Variants in NCALD observed in about 807,000 individuals in gnomAD.
NCALD encodes neurocalcin-delta.
A neutral mutation model predicts 18.6 loss-of-function variants in NCALD; 10 were observed. The observed-to-expected ratio is 0.54, with a 90% CI of 0.33 to 0.91. The LOEUF (loss-of-function observed/expected upper bound fraction) is 0.91. Ranked by LOEUF, NCALD falls within the 40% of genes least tolerant of loss-of-function variation. The pLI is 0.03. For synonymous variants in NCALD, 88 were observed against 87.4 expected (o/e 1.01, Z -0.04); for missense variants, 184 against 247.6 (o/e 0.74, Z 1.72).
Position 102,049,563 on chromosome 8 carries a change from A to G in NCALD, c.-209-29274T>C, listed in dbSNP as rs148803924. On this transcript the variant is annotated intron_variant, in intron 1 of 6. Transcript: ENST00000311028. ...TTCATTTGGGCAAATACCAAGAAAT[A>G]TAATCGCTAGATTATATGGTTTGAG... is the stretch of plus-strand genomic sequence containing the variant. Among the ~76,000 whole-genome samples, 701 of 152,330 alleles carry G rather than the reference A, an allele frequency of 4.6e-3. 6 individuals carry two copies. Among genetic ancestry groups the G allele is most frequent in the African/African-American group, 0.016 (681 of 41,574 alleles).
At position 101,716,735 on chromosome 8, in the gene NCALD, A is replaced by T. The variant is rs546102233; in HGVS notation, c.378+2517T>A. On this transcript the variant is annotated intron_variant, in intron 2 of 3. Coordinates refer to ENST00000220931, the MANE Select transcript of NCALD (RefSeq NM_032041.3). Reference sequence around the variant, plus strand: ...GAAGACAAACTTTGCAGACGTGATTACATTAAGAATATTGAGATGGAAGGA... The same window carrying T: ...GAAGACAAACTTTGCAGACGTGATTTCATTAAGAATATTGAGATGGAAGGA... 3.9e-5 allele frequency among the ~76,000 whole-genome samples: 6 copies of T among 152,350 alleles called. No homozygotes were observed. The South Asian group carries it at 6.2e-4, about 16-fold the overall frequency.
chr8:101,874,065 G>T (rs1464103655), intron 4 of NCALD, among the ~76,000 whole-genome samples: 2 of 152,136 alleles, frequency 1.3e-5, no homozygotes, highest in African/African-American at 4.8e-5. Flanking sequence ...TCTACATTTT[G>T]CTGCTAGATG....
At chr8:101,884,262 G>A (rs949850872) in intron 4 of NCALD, among the ~76,000 whole-genome samples, 1 of 152,078 alleles carries the variant, frequency 6.6e-6, no homozygotes, top group African/African-American at 2.4e-5. Flanking sequence ...ATAGTTCCTT[G>A]TTTTTGCTGT....
At chr8:101,869,111 G>A (rs1264403898) in intron 4 of NCALD, among the ~76,000 whole-genome samples, 1 of 152,220 alleles carries the variant, frequency 6.6e-6, no homozygotes, top group Admixed American at 6.5e-5. Flanking sequence ...GTTCACACAT[G>A]TGGTAGGCCT....
intron 1 of NCALD, among the ~76,000 whole-genome samples, chr8:101,733,247 TTGG>T (rs2130609927): frequency 6.6e-6 from 1 of 152,350 alleles, no homozygotes; most frequent in African/African-American, 2.4e-5. Context: ...ATCCCATTAA[TTGG>T]TGAACAGAAA....
upstream of NCALD, among the ~76,000 whole-genome samples, chr8:101,793,561 G>A (rs1812527982): frequency 6.6e-6 from 1 of 152,138 alleles, no homozygotes; most frequent in South Asian, 2.1e-4. Flanking sequence ...TTGAAGGCAT[G>A]ATGGTGATCT....
chr8:101,783,521 T>A (rs985645066), intron 1 of NCALD, among the ~76,000 whole-genome samples: 12 of 152,176 alleles, frequency 7.9e-5, no homozygotes, highest in African/African-American at 2.7e-4. Context: ...CCTAGAAGCA[T>A]AGGAAATGGG....
chr8:102,022,081 C>T (rs1316824461), intron 1 of NCALD, among the ~76,000 whole-genome samples: 2 of 152,102 alleles, frequency 1.3e-5, no homozygotes, highest in Admixed American at 1.3e-4. Flanking sequence ...AGGGCGTGAA[C>T]AGGGTTAAGG....
chr8:101,933,689 T>C (rs1187468460), intron 2 of NCALD, among the ~76,000 whole-genome samples: 1 of 152,142 alleles, frequency 6.6e-6, no homozygotes, highest in Non-Finnish European at 1.5e-5. Context: ...AAATGAGGGA[T>C]TTGGGAGTAC....
intron 2 of NCALD, chr8:101,975,262 C>G (rs1230311706): frequency 6.6e-6 from 1 of 151,940 alleles, no homozygotes; most frequent in Non-Finnish European, 1.5e-5. Flanking sequence ...TTACTCACAG[C>G]TTTATTTCTT....
chr8:101,817,706 C>T (rs1052741381), intron 4 of NCALD, among the ~76,000 whole-genome samples: 14 of 152,134 alleles, frequency 9.2e-5, no homozygotes, highest in African/African-American at 2.9e-4. Flanking sequence ...CCATTCACTG[C>T]CCAGCAGCCT....
chr8:102,110,426 T>C (rs1324242999), intron 1 of NCALD, among the ~76,000 whole-genome samples: 8 of 152,206 alleles, frequency 5.3e-5, no homozygotes, highest in Non-Finnish European at 1.2e-4. Context: ...GCCTGTCGTT[T>C]TGCTGTAATT....
intron 1 of NCALD, among the ~76,000 whole-genome samples, chr8:102,081,829 A>T (rs1245086817): frequency 6.6e-6 from 1 of 152,208 alleles, no homozygotes; most frequent in African/African-American, 2.4e-5. Flanking sequence ...GCTTTTACCA[A>T]CACAAGCCTA....
chr8:101,687,859 A>C lies in NCALD; in HGVS notation c.*1450T>G, dbSNP rs1814535003. 1 of 152,220 alleles carries C rather than the reference A, an allele frequency of 6.6e-6. No homozygotes were observed. 9.4% of individuals were successfully genotyped at this position (152,220 alleles called of 1,614,324 possible). ...GTCACCAGACCAAACAGCAACTCAG[A>C]CTTGTGCTGTCACTTCTGGAAATAG... On this transcript the variant is annotated 3_prime_UTR_variant, in exon 4 of 4. Transcript: ENST00000220931.
intron 2 of NCALD, among the ~76,000 whole-genome samples, chr8:101,964,766 A>G (rs1043764363): frequency 1.6e-4 from 25 of 152,234 alleles, no homozygotes; most frequent in Non-Finnish European, 3.4e-4. Flanking sequence ...ACAGTCAAGG[A>G]TTCGCCTAAT....
chr8:102,085,154 A>G (rs1281615482), intron 1 of NCALD, among the ~76,000 whole-genome samples: 1 of 152,176 alleles, frequency 6.6e-6, no homozygotes, highest in Admixed American at 6.5e-5. Flanking sequence ...CAACCTCAAC[A>G]CTATTAATAT....
intron 4 of NCALD, among the ~76,000 whole-genome samples, chr8:101,839,551 C>T (rs1196317353): frequency 6.6e-6 from 1 of 152,132 alleles, no homozygotes; most frequent in African/African-American, 2.4e-5. Context: ...TATCCATCAA[C>T]CTCCTCACTA....
intron 4 of NCALD, among the ~76,000 whole-genome samples, chr8:101,884,882 C>G (rs1171139360): frequency 6.6e-6 from 1 of 152,140 alleles, no homozygotes; most frequent in Non-Finnish European, 1.5e-5. Context: ...GTCTCGTGCT[C>G]TCAGCCTCTG....
intron 1 of NCALD, chr8:101,779,839 GTTTT>G (rs1038187872): frequency 6.6e-6 from 1 of 151,880 alleles, no homozygotes; most frequent in African/African-American, 2.4e-5. Context: ...ATGAAACAAT[GTTTT>G]TTTAAGTTAA....
Sources: allele counts gnomAD v4.1 joint callset (sites outside exome capture counted in the v4.1 genomes callset), GRCh38; gene constraint gnomAD v4.1.1; transcripts MANE v1.5; gene names NCBI Gene and HGNC (gene_info 2026-07-23, HGNC 2026-07-21).